Variants in LYPD3 observed in about 807,000 individuals in gnomAD.
LYPD3 encodes ly6/PLAUR domain-containing protein 3.
LYPD3 carries 22 observed loss-of-function variants against 21.7 expected under a neutral mutation model. The ratio of observed to expected loss-of-function variants is 1.01; its 90% confidence interval spans 0.72 to 1.45. LYPD3 has a LOEUF of 1.45. Among genes scored for constraint, LYPD3 ranks in the 40% most tolerant of loss-of-function variants. The probability of loss-of-function intolerance (pLI) is 0.00; values close to 1 mark genes in which losing one functional copy is unlikely to be tolerated. For synonymous variants in LYPD3, 179 were observed against 203.0 expected, an observed-to-expected ratio of 0.88 and a Z score of 1.00; for missense variants, 471 against 466.9, an observed-to-expected ratio of 1.01 and a Z score of -0.08.
chr19:43,461,192 A>G lies in LYPD3; in HGVS notation c.*159T>C, dbSNP rs1031572337. The G allele has an allele frequency of 2.5e-5, 22 of 869,490 alleles. No homozygotes were observed. The African/African-American group carries it at 2.7e-4, about 11-fold the overall frequency. 53.9% of individuals were successfully genotyped at this position (869,490 alleles called of 1,614,324 possible). A position where few individuals can be genotyped will look rare whatever the true frequency, so the allele number is the denominator to read the frequency against. The stretch of plus-strand genomic sequence containing the variant: ...ATATACAACGGTATTTTATTTCCCA[A>G]AGCCGCAAACCAGCGCAGCAGAAGC... On this transcript the variant is annotated 3_prime_UTR_variant, in exon 5 of 5. Coordinates refer to ENST00000244333, the MANE Select transcript of LYPD3 (RefSeq NM_014400.3).
At chr19:43,463,924 C>G in intron 2 of LYPD3, 155 bp from the exon 3 acceptor site, 4 of 778,334 alleles carry the variant, frequency 5.1e-6, no homozygotes, top group Non-Finnish European at 8.4e-6. Context: ...CCCCAAAGAG[C>G]CGCTCAGAGC....
rs763018876 is a variant in LYPD3 at position 43,461,361 on chromosome 19, A to G, written c.1031T>C (p.Val344Ala). 3.7e-6 allele frequency: 6 copies of G among 1,601,734 alleles called. No homozygotes were observed. The South Asian group carries it at 6.6e-5, about 18-fold the overall frequency. The change falls in exon 5 of 5, where the codon GTC becomes GCC. Residue 344 changes from valine to alanine, a missense_variant. Coordinates refer to ENST00000244333, the MANE Select transcript of LYPD3 (RefSeq NM_014400.3). The part of the protein sequence containing the change: ...AALLLAVAAG[V>A]LL ...TCCAGGTGGAGAAGCTCACAGTAGG[A>G]CACCAGCAGCCACGGCCAACAGAAG... is the stretch of plus-strand genomic sequence containing the variant.
At chr19:43,462,521 G>A (rs1970784018) in intron 4 of LYPD3, among the ~76,000 whole-genome samples, 1 of 152,162 alleles carries the variant, frequency 6.6e-6, no homozygotes. Flanking sequence ...AACCAGTCGT[G>A]GCGGTGCACC....
At position 43,463,221 on chromosome 19, in the gene LYPD3, G is replaced by A; in HGVS notation, c.449C>T (p.Ala150Val). 1 of 1,608,928 alleles carries A rather than the reference G, an allele frequency of 6.2e-7. No homozygotes were observed. Residue 150 changes from alanine (A) to valine (V), a missense_variant, in exon 4 of 5, where the codon GCG becomes GTG. Physicochemically the swap from Ala to Val is moderately conservative, Grantham distance 64. Transcript: ENST00000244333. ...CYSCVGLSRE[A>V]CQGTSPPVVS... ...GACCGGCGGCGATGTACCCTGGCACGCCTCCCGGCTCAGGCCCACACAGCT... is the reference window on the plus strand; with the variant it reads ...GACCGGCGGCGATGTACCCTGGCACACCTCCCGGCTCAGGCCCACACAGCT...
At chr19:43,461,958 G>C (rs763051502) in intron 4 of LYPD3, 111 bp from the exon 5 acceptor site, 14 of 1,158,536 alleles carry the variant, frequency 1.2e-5, no homozygotes, top group African/African-American at 4.6e-5. Flanking sequence ...CGGGCGTGGT[G>C]GCTCACGCCT....
chr19:43,461,823 A>ACAGG lies in LYPD3; in HGVS notation c.565_568dup (p.Val190AlafsTer9). 1 of 1,609,492 alleles carries ACAGG rather than the reference A, an allele frequency of 6.2e-7. No individual in the cohort carries two copies. The highest frequency in any genetic ancestry group is 8.5e-7 in the Non-Finnish European group (1 of 1,176,140). ...GAATTCATCCTGGACACAGCCCCGG[A>ACAGG]CAGGCAAGGACACAGTCACATTAGC... On this transcript the variant is annotated frameshift_variant, in exon 5 of 5. Transcript: ENST00000244333. LOFTEE classifies it low-confidence loss of function (END_TRUNC).
chr19:43,464,198 C>T, intron 2 of LYPD3, 127 bp downstream of exon 2: 1 of 1,288,512 alleles, frequency 7.8e-7, no homozygotes, highest in Non-Finnish European at 1.1e-6. Flanking sequence ...AGGGTCCCGG[C>T]CAGGCTGAAA....
intron 3 of LYPD3, 39 bp from the exon 4 acceptor site, chr19:43,463,326 G>C: frequency 6.3e-7 from 1 of 1,596,508 alleles, no homozygotes; most frequent in African/African-American, 1.3e-5. Flanking sequence ...GTGTCGAAAG[G>C]GTTCGGGAAC....
chr19:43,463,454 T>G (rs1970792394), intron 3 of LYPD3, 145 bp downstream of exon 3: 1 of 1,370,258 alleles, frequency 7.3e-7, no homozygotes, highest in Admixed American at 2.0e-5. Context: ...AGAAAGTCCC[T>G]CCTGCTGCCT....
chr19:43,461,273 T>C lies in LYPD3; in HGVS notation c.*78A>G. 1 of 1,442,720 alleles carries C rather than the reference T, an allele frequency of 6.9e-7. No homozygotes were observed. Among genetic ancestry groups the C allele is most frequent in the South Asian group, 1.4e-5 (1 of 69,908 alleles). 89.4% of individuals were successfully genotyped at this position (1,442,720 alleles called of 1,614,324 possible). On this transcript the variant is annotated 3_prime_UTR_variant, in exon 5 of 5. Transcript: ENST00000244333. Reference sequence around the variant, plus strand: ...GGGCTGGGCCAGCCCAGTCCAGTGGTGGGAACAGGAAGTGATGAGAAGAGG... The same window carrying C: ...GGGCTGGGCCAGCCCAGTCCAGTGGCGGGAACAGGAAGTGATGAGAAGAGG...
In LYPD3 at chr19:43,461,443, C is replaced by A. The variant is rs1184802923; in HGVS notation, c.949G>T (p.Gly317Trp). 9 of 1,614,010 alleles carry A rather than the reference C, an allele frequency of 5.6e-6. No individual in the cohort carries two copies. The highest frequency in any genetic ancestry group is 7.6e-6 in the Non-Finnish European group (9 of 1,180,016). The change falls in exon 5 of 5, where the codon GGG becomes TGG. Residue 317 changes from glycine (G) to tryptophan (W), a missense_variant. Coordinates refer to ENST00000244333, the MANE Select transcript of LYPD3 (RefSeq NM_014400.3). ...CCTTTATTATGGGGCTGCTGGGGCC[C>A]CCCTTTTGCAGGATACTGCCCTGAA... ...SNSGQYPAKG[G>W]PQQPHNKGCV...
Position 43,461,467 on chromosome 19 carries a change from A to C in LYPD3, c.925T>G (p.Ser309Ala). ...CCCCCTTTTGCAGGATACTGCCCTG[A>C]ATTGCTGCGGTCCTGGTGGCCAGCG... ...GAAGHQDRSNSGQYPAKGGPQ... is the reference protein window; with the variant it reads ...GAAGHQDRSNAGQYPAKGGPQ... The change falls in exon 5 of 5, where the codon TCA becomes GCA. Residue 309 changes from serine (S) to alanine (A), a missense_variant. Transcript: ENST00000244333. 6.2e-7 allele frequency: 1 copy of C among 1,614,144 alleles called. No homozygotes were observed. Among genetic ancestry groups the C allele is most frequent in the Non-Finnish European group, 8.5e-7 (1 of 1,180,028 alleles).
intron 1 of LYPD3, 56 bp downstream of exon 1, chr19:43,465,437 C>A: frequency 6.3e-7 from 1 of 1,581,518 alleles, no homozygotes; most frequent in Non-Finnish European, 8.6e-7. Context: ...CCAGAGGAGC[C>A]TCCTCCCTAA....
At chr19:43,462,657 T>TA (rs200529755) in intron 4 of LYPD3, among the ~76,000 whole-genome samples, 5,091 of 151,122 alleles carry the variant, frequency 0.034, 126 homozygotes, top group Middle Eastern at 0.055. Context: ...ATGCTGTCTT[T>TA]AAAAAAAAAT....
chr19:43,463,779 G>A lies in LYPD3; in HGVS notation c.212-10C>T, dbSNP rs200061086. On this transcript the variant is annotated splice_polypyrimidine_tract_variant and intron_variant, in intron 2 of 4. Transcript: ENST00000244333. ...GAGAATTGTCCGTGGACTAGGGAGA[G>A]GGACAAGGGCGGGATTAGCTGTGGG... 1 of 1,612,112 alleles carries A rather than the reference G, an allele frequency of 6.2e-7. No individual in the cohort carries two copies. Among genetic ancestry groups the A allele is most frequent in the East Asian group, 2.2e-5 (1 of 44,886 alleles).
Position 43,463,397 on chromosome 19 carries a change from C to T in LYPD3, c.383-110G>A, listed in dbSNP as rs762428430. On this transcript the variant is annotated intron_variant, in intron 3 of 4. Coordinates refer to ENST00000244333, the MANE Select transcript of LYPD3 (RefSeq NM_014400.3). ...GCCCCGGCACTATCGATGACCCCGC[C>T]TACTAGTAGCCCCGCCCCAGCGCGC... The T allele has an allele frequency of 4.0e-5, 56 of 1,401,470 alleles. 1 individual carries two copies. The South Asian group carries it at 6.8e-4, about 17-fold the overall frequency. 86.8% of individuals were successfully genotyped at this position (1,401,470 alleles called of 1,614,324 possible).
At position 43,461,571 on chromosome 19, in the gene LYPD3, G is replaced by A. The variant is rs765757830; in HGVS notation, c.821C>T (p.Ala274Val). 2.5e-6 allele frequency: 4 copies of A among 1,614,046 alleles called. No homozygotes were observed. The highest frequency in any genetic ancestry group is 2.2e-5 in the East Asian group (1 of 44,890). ...RPTSTTKPMP[A>V]PTSQTPRQGV... ...CTGTCTCGGAGTCTGACTGGTTGGC[G>A]CTGGCATGGGTTTGGTGGTGGATGT... The change falls in exon 5 of 5, where the codon GCG (alanine) becomes GTG (valine). Residue 274 changes from alanine to valine, a missense_variant. Coordinates refer to ENST00000244333, the MANE Select transcript of LYPD3 (RefSeq NM_014400.3).
At chr19:43,464,231 A>G in intron 2 of LYPD3, 94 bp downstream of exon 2, 1 of 1,475,466 alleles carries the variant, frequency 6.8e-7, no homozygotes. Flanking sequence ...GCCGCGTTAA[A>G]GGGGCGTGGC....
rs1970787964 is a variant in LYPD3, at chr19:43,463,091, A to T, written c.544+35T>A. 3.1e-6 allele frequency: 5 copies of T among 1,606,652 alleles called. No homozygotes were observed. In the African/African-American group the frequency reaches 6.7e-5, roughly 21 times the overall value. ...AGGGTGCTTCAGAAGGGCTACCACA[A>T]CTCCCGTAGGTCCCGTGCTCCGGGG... is the stretch of plus-strand genomic sequence containing the variant. On this transcript the variant is annotated intron_variant, in intron 4 of 4. Coordinates refer to ENST00000244333, the MANE Select transcript of LYPD3 (RefSeq NM_014400.3).
Sources: gnomAD v4.1 joint callset for allele counts (sites outside exome capture counted in the v4.1 genomes callset) on GRCh38, gnomAD v4.1.1 for gene constraint, MANE v1.5 for transcripts, NCBI Gene and HGNC (gene_info 2026-07-23, HGNC 2026-07-21) for gene names.